MLIP: variants seen among roughly 807,000 people sequenced by gnomAD.
MLIP encodes muscular LMNA-interacting protein.
Under a neutral mutation model 84.8 loss-of-function variants are expected in MLIP, and 79 were observed. That is an observed-to-expected ratio of 0.93 (90% CI 0.78 to 1.12). The LOEUF (loss-of-function observed/expected upper bound fraction) is 1.12, where lower values mean the gene tolerates loss of function less well. MLIP is among the 50% of genes most tolerant of loss of function. The pLI is 0.00. For missense variants in MLIP, 1,257 were observed against 1,160.6 expected, an observed-to-expected ratio of 1.08 and a Z score of -1.21; for synonymous variants, 504 against 463.0, an observed-to-expected ratio of 1.09 and a Z score of -1.14.
chr6:54,152,897 GA>G (rs1169280614), intron 5 of MLIP, among the ~76,000 whole-genome samples: 2 of 151,950 alleles, frequency 1.3e-5, no homozygotes, highest in African/African-American at 4.8e-5. Flanking sequence ...TAAAATCAAA[GA>G]ATATGCATCT....
intron 10 of MLIP, among the ~76,000 whole-genome samples, chr6:54,196,705 A>G (rs1384177332): frequency 6.6e-6 from 1 of 152,104 alleles, no homozygotes; most frequent in African/African-American, 2.4e-5. Context: ...TTCATTCTGC[A>G]AGTATTTATT....
chr6:54,220,158 A>C (rs1780126539), intron 11 of MLIP, among the ~76,000 whole-genome samples: 1 of 152,212 alleles, frequency 6.6e-6, no homozygotes. Context: ...TGAAATGATT[A>C]AAACAATTTA....
intron 1 of MLIP, among the ~76,000 whole-genome samples, chr6:54,039,651 T>C (rs1764635433): frequency 6.6e-6 from 1 of 151,984 alleles, no homozygotes. Context: ...ACAAGCAAGA[T>C]ATGAAAACTA....
intron 1 of MLIP, among the ~76,000 whole-genome samples, chr6:54,041,529 G>A (rs1369104538): frequency 6.6e-6 from 1 of 151,990 alleles, no homozygotes; most frequent in Non-Finnish European, 1.5e-5. Context: ...AAAATATTTT[G>A]TATTTCCACT....
At chr6:54,250,797 T>G (rs554296480) in intron 12 of MLIP, among the ~76,000 whole-genome samples, 2 of 152,254 alleles carry the variant, frequency 1.3e-5, no homozygotes, top group East Asian at 3.9e-4. Flanking sequence ...TCATGCTTCT[T>G]ATTCCTATGA....
At chr6:54,189,150 G>A (rs903788886) in intron 9 of MLIP, among the ~76,000 whole-genome samples, 1 of 152,198 alleles carries the variant, frequency 6.6e-6, no homozygotes, top group African/African-American at 2.4e-5. Flanking sequence ...TGAAGTTTCA[G>A]TTAAACAAGA....
rs142183634 is a variant in MLIP at position 54,119,356 on chromosome 6, C to T, written c.97-2091C>T. On this transcript the variant is annotated intron_variant, in intron 1 of 13. Coordinates refer to ENST00000502396, the MANE Select transcript of MLIP (RefSeq NM_001281747.2). ...ATATACACAGTGGAATACTATTCAGCTATGAAAAGAATGGAATTCTGTCAT... is the reference window on the plus strand; with the variant it reads ...ATATACACAGTGGAATACTATTCAGTTATGAAAAGAATGGAATTCTGTCAT... 2.4e-3 allele frequency among the ~76,000 whole-genome samples: 370 copies of T among 152,264 alleles called. 1 individual carries two copies. Among genetic ancestry groups the T allele is most frequent in the Non-Finnish European group, 4.0e-3 (270 of 68,030 alleles).
chr6:54,117,278 G>T (rs534218416), intron 1 of MLIP, among the ~76,000 whole-genome samples: 1 of 145,990 alleles, frequency 6.8e-6, no homozygotes, highest in Non-Finnish European at 1.5e-5. Context: ...CACAGTGGCC[G>T]GTCTAGGCTC....
At chr6:54,121,825 G>T (rs967933864) in intron 2 of MLIP, among the ~76,000 whole-genome samples, 5 of 152,006 alleles carry the variant, frequency 3.3e-5, no homozygotes, top group African/African-American at 9.7e-5. Flanking sequence ...CCTATTGTTT[G>T]CTATTGACAT....
chr6:54,121,400 T>A lies in MLIP; in HGVS notation c.97-47T>A. ...TGTCATATGGAGAATAAAGGCAAGA[T>A]AAACCTTTGACAAGGCTGAAAGTCT... On this transcript the variant is annotated intron_variant, in intron 1 of 13. Coordinates refer to ENST00000502396, the MANE Select transcript of MLIP (RefSeq NM_001281747.2). 4 of 1,597,352 alleles carry A rather than the reference T, an allele frequency of 2.5e-6. No individual in the cohort carries two copies. The South Asian group carries it at 3.4e-5, about 14-fold the overall frequency.
At chr6:54,101,804 T>C (rs1768671490) in intron 1 of MLIP, among the ~76,000 whole-genome samples, 1 of 152,186 alleles carries the variant, frequency 6.6e-6, no homozygotes, top group African/African-American at 2.4e-5. Context: ...TATTCTTTGA[T>C]ATTCTTCATC....
intron 1 of MLIP, among the ~76,000 whole-genome samples, chr6:54,097,748 A>T (rs76928941): frequency 0.028 from 4,232 of 152,268 alleles, 205 homozygotes; most frequent in African/African-American, 0.096. Flanking sequence ...CAAATGCTTT[A>T]TATCTATTGC....
chr6:54,157,573 A>G (rs1407235), intron 5 of MLIP, among the ~76,000 whole-genome samples: 68,652 of 151,884 alleles, frequency 0.45, 17,433 homozygotes, highest in African/African-American at 0.69. Flanking sequence ...GTTTTGTGGC[A>G]TCCCCCTTCC....
chr6:54,146,411 A>G (rs920743825), intron 4 of MLIP, among the ~76,000 whole-genome samples: 3 of 152,202 alleles, frequency 2.0e-5, no homozygotes, highest in Non-Finnish European at 4.4e-5. Flanking sequence ...CAATGAGGGT[A>G]GTGGAATTCT....
intron 1 of MLIP, among the ~76,000 whole-genome samples, chr6:54,055,418 C>G (rs1259398616): frequency 1.3e-5 from 2 of 152,106 alleles, no homozygotes; most frequent in Non-Finnish European, 2.9e-5. Flanking sequence ...ATGTAGAAAT[C>G]TATATTTTCA....
At chr6:54,185,518 TA>T (rs1777303962) in intron 9 of MLIP, among the ~76,000 whole-genome samples, 1 of 152,204 alleles carries the variant, frequency 6.6e-6, no homozygotes, top group Non-Finnish European at 1.5e-5. Flanking sequence ...TTTCCTAATT[TA>T]ATTAATATGT....
At chr6:54,091,433 G>A (rs1012523310) in intron 1 of MLIP, among the ~76,000 whole-genome samples, 4 of 152,104 alleles carry the variant, frequency 2.6e-5, no homozygotes, top group Admixed American at 6.6e-5. Context: ...ATCCAATATA[G>A]GCATTTCACT....
At chr6:54,027,512 G>A (rs1417897183) in intron 1 of MLIP, among the ~76,000 whole-genome samples, 4 of 151,826 alleles carry the variant, frequency 2.6e-5, no homozygotes, top group South Asian at 2.1e-4. Context: ...TCCCTGCAAC[G>A]TACCTGACAC....
chr6:54,260,789 T>C (rs1174188748), intron 13 of MLIP, among the ~76,000 whole-genome samples: 3 of 152,012 alleles, frequency 2.0e-5, no homozygotes. Context: ...AATACTTTAT[T>C]TTTGTTTGCC....
Sources: allele counts gnomAD v4.1 joint callset (sites outside exome capture counted in the v4.1 genomes callset), GRCh38; gene constraint gnomAD v4.1.1; transcripts MANE v1.5; gene names NCBI Gene and HGNC (gene_info 2026-07-23, HGNC 2026-07-21).